Variants in WNT1 observed in about 807,000 individuals in gnomAD.
WNT1 encodes Wnt family member 1, also known as proto-oncogene Wnt-1.
A neutral mutation model predicts 21.3 loss-of-function variants in WNT1; 10 were observed. That is an observed-to-expected ratio of 0.47 (90% CI 0.29 to 0.80). The LOEUF (loss-of-function observed/expected upper bound fraction) is 0.80, where lower values mean the gene tolerates loss of function less well. WNT1 is among the 30% of genes least tolerant of loss of function. WNT1 has a pLI of 0.09. For synonymous variants in WNT1, 208 were observed against 236.3 expected (o/e 0.88, Z 1.10); for missense variants, 476 against 534.1 (o/e 0.89, Z 1.07).
Position 48,980,299 on chromosome 12 carries a change from C to T in WNT1, c.359-125C>T. On this transcript the variant is annotated intron_variant, in intron 2 of 3. Transcript: ENST00000293549. The surrounding 1 kb of genome is among the most constrained non-coding windows in gnomAD (Gnocchi z 7.0). Reference sequence around the variant, plus strand: ...CCTAGAGACCAGCTTTCCAGCACTGCCGGCCCTGGCTCTCAGGACTCAAAG... The same window carrying T: ...CCTAGAGACCAGCTTTCCAGCACTGTCGGCCCTGGCTCTCAGGACTCAAAG... 1.8e-6 allele frequency: 2 copies of T among 1,129,794 alleles called. No individual in the cohort carries two copies. Among genetic ancestry groups the T allele is most frequent in the Non-Finnish European group, 2.5e-6 (2 of 785,870 alleles). The allele number at this position is 1,129,794 out of a possible 1,614,324, so 70.0% of individuals were successfully genotyped here.
chr12:48,982,503 A>T lies in WNT1; in HGVS notation c.*863A>T, dbSNP rs1199004665. On this transcript the variant is annotated 3_prime_UTR_variant, in exon 4 of 4. Transcript: ENST00000293549. Reference sequence around the variant, plus strand: ...GTCCCTCTTCTCTCCTCAGTTTCTCAAAGATGCGTTTGCCTCCTGGAATCA... The same window carrying T: ...GTCCCTCTTCTCTCCTCAGTTTCTCTAAGATGCGTTTGCCTCCTGGAATCA... Among the ~76,000 whole-genome samples the T allele has an allele frequency of 6.6e-6, 1 of 152,022 alleles. No individual in the cohort carries two copies. Among genetic ancestry groups the T allele is most frequent in the Non-Finnish European group, 1.5e-5 (1 of 68,032 alleles).
rs1324699225 is a variant in WNT1, at chr12:48,980,138, C to T, written c.359-286C>T. Among the ~76,000 whole-genome samples the T allele has an allele frequency of 6.6e-6, 1 of 152,222 alleles. No individual in the cohort carries two copies. The highest frequency in any genetic ancestry group is 6.5e-5 in the Admixed American group (1 of 15,288). On this transcript the variant is annotated intron_variant, in intron 2 of 3. Coordinates refer to ENST00000293549, the MANE Select transcript of WNT1 (RefSeq NM_005430.4). This position sits in a 1 kb window ranked among gnomAD's most constrained non-coding sequence, Gnocchi z 7.0. ...TTGGGGATGTATGGTTCTTCCGCTC[C>T]CCTCTCTTCGGTTTGTCTCTCTGGG...
rs1173624861 is a variant in WNT1 at position 48,979,763 on chromosome 12, C to T, written c.358+42C>T. ...GCGACGCTTCCGGGAGCAGGGGAAA[C>T]GCGGGGTCACCCCCAGGGCATGGGC... On this transcript the variant is annotated intron_variant, in intron 2 of 3. Transcript: ENST00000293549. This position sits in a 1 kb window ranked among gnomAD's most constrained non-coding sequence, Gnocchi z 6.0. 4 of 1,540,214 alleles carry T rather than the reference C, an allele frequency of 2.6e-6. No individual in the cohort carries two copies. Among genetic ancestry groups the T allele is most frequent in the Non-Finnish European group, 3.5e-6 (4 of 1,143,630 alleles).
rs754298019 is a variant in WNT1, at chr12:48,981,569, A to G, written c.1042A>G (p.Thr348Ala). Reference sequence around the variant, plus strand: ...GCGCGTCACCGAGCGCTGCAACTGCACCTTCCACTGGTGCTGCCACGTCAG... The same window carrying G: ...GCGCGTCACCGAGCGCTGCAACTGCGCCTTCCACTGGTGCTGCCACGTCAG... ...TQRVTERCNC[T>A]FHWCCHVSCR... The change falls in exon 4 of 4, where the codon ACC (threonine) becomes GCC (alanine). Residue 348 changes from threonine to alanine, a missense_variant. Coordinates refer to ENST00000293549, the MANE Select transcript of WNT1 (RefSeq NM_005430.4). This position sits in a 1 kb window ranked among gnomAD's most constrained non-coding sequence, Gnocchi z 7.4. 1 of 1,521,918 alleles carries G rather than the reference A, an allele frequency of 6.6e-7. No homozygotes were observed. The highest frequency in any genetic ancestry group is 2.1e-5 in the Admixed American group (1 of 48,598). The allele number at this position is 1,521,918 out of a possible 1,614,324, so 94.3% of individuals were successfully genotyped here.
chr12:48,981,314 A>G lies in WNT1; in HGVS notation c.787A>G (p.Ser263Gly), dbSNP rs754914147. The change falls in exon 4 of 4, where the codon AGC becomes GGC. Residue 263 changes from serine (S) to glycine (G), a missense_variant. Physicochemically the swap from Ser to Gly is moderately conservative, Grantham distance 56 (BLOSUM62 0). Transcript: ENST00000293549. The surrounding 1 kb of genome is among the most constrained non-coding windows in gnomAD (Gnocchi z 7.4). Reference protein sequence around the residue: ...ASRVLYGNRGSNRASRAELLR... With the variant: ...ASRVLYGNRGGNRASRAELLR... The stretch of plus-strand genomic sequence containing the variant: ...GCGCGTCCTGTACGGCAACCGCGGC[A>G]GCAACCGCGCTTCGCGGGCGGAGCT... The G allele has an allele frequency of 1.9e-6, 3 of 1,576,180 alleles. No homozygotes were observed. The highest frequency in any genetic ancestry group is 2.6e-6 in the Non-Finnish European group (3 of 1,161,236).
chr12:48,979,401 T>G lies in WNT1; in HGVS notation c.105-67T>G. 5.9e-6 allele frequency: 9 copies of G among 1,524,696 alleles called. No homozygotes were observed. The highest frequency in any genetic ancestry group is 7.9e-6 in the Non-Finnish European group (9 of 1,133,578). The allele number at this position is 1,524,696 out of a possible 1,614,324, so 94.4% of individuals were successfully genotyped here. A position where few individuals can be genotyped will look rare whatever the true frequency, so the allele number is the denominator to read the frequency against. On this transcript the variant is annotated intron_variant, in intron 1 of 3. Coordinates refer to ENST00000293549, the MANE Select transcript of WNT1 (RefSeq NM_005430.4). The surrounding 1 kb of genome is among the most constrained non-coding windows in gnomAD (Gnocchi z 6.0). ...ACATACCCCCAGGAAGAGGACCGGG[T>G]GGCACAGTTTTTATGGTTAGGGTGC...
Position 48,981,181 on chromosome 12 carries a change from C to T in WNT1, c.654C>T (p.Cys218=), listed in dbSNP as rs763732264. 1 of 1,612,354 alleles carries T rather than the reference C, an allele frequency of 6.2e-7. No homozygotes were observed. The highest frequency in any genetic ancestry group is 8.5e-7 in the Non-Finnish European group (1 of 1,179,640). The change falls in exon 4 of 4, where the codon TGC becomes TGT. Residue 218 remains cysteine (C), a synonymous_variant. Coordinates refer to ENST00000293549, the MANE Select transcript of WNT1 (RefSeq NM_005430.4). The surrounding 1 kb of genome is among the most constrained non-coding windows in gnomAD (Gnocchi z 7.4). ...TATTCTCCGAGATGCGCCAGGAGTGCAAGTGCCACGGGATGTCCGGCTCAT... is the reference window on the plus strand; with the variant it reads ...TATTCTCCGAGATGCGCCAGGAGTGTAAGTGCCACGGGATGTCCGGCTCAT... ...TTVFSEMRQE[C]KCHGMSGSCT...
chr12:48,981,578 T>C lies in WNT1; in HGVS notation c.1051T>C (p.Trp351Arg). The change falls in exon 4 of 4, where the codon TGG (tryptophan) becomes CGG (arginine). Residue 351 changes from tryptophan to arginine, a missense_variant. By Grantham distance (101) the Trp-to-Arg change is moderately radical. Coordinates refer to ENST00000293549, the MANE Select transcript of WNT1 (RefSeq NM_005430.4). The surrounding 1 kb of genome is among the most constrained non-coding windows in gnomAD (Gnocchi z 7.4). ...VTERCNCTFHWCCHVSCRNCT... is the reference protein window; with the variant it reads ...VTERCNCTFHRCCHVSCRNCT... ...CGAGCGCTGCAACTGCACCTTCCAC[T>C]GGTGCTGCCACGTCAGCTGCCGCAA... The C allele has an allele frequency of 6.6e-7, 1 of 1,514,430 alleles. No individual in the cohort carries two copies. Among genetic ancestry groups the C allele is most frequent in the Non-Finnish European group, 8.8e-7 (1 of 1,133,234 alleles). 93.8% of individuals were successfully genotyped at this position (1,514,430 alleles called of 1,614,324 possible). A position where few individuals can be genotyped will look rare whatever the true frequency, so the allele number is the denominator to read the frequency against.
Position 48,978,618 on chromosome 12 carries a change from C to G in WNT1, c.-33C>G, listed in dbSNP as rs1358898043. The G allele has an allele frequency of 3.4e-5, 52 of 1,518,128 alleles. No homozygotes were observed. The highest frequency in any genetic ancestry group is 4.4e-5 in the Non-Finnish European group (49 of 1,120,840). 94.0% of individuals were successfully genotyped at this position (1,518,128 alleles called of 1,614,324 possible). On this transcript the variant is annotated 5_prime_UTR_variant, in exon 1 of 4. Transcript: ENST00000293549. This position sits in a 1 kb window ranked among gnomAD's most constrained non-coding sequence, Gnocchi z 7.4. ...CGGGCAACAACCAAAGTCGCCGCAA[C>G]TGCAGCACAGAGCGGGCAAAGCCAG...
chr12:48,981,700 G>T lies in WNT1; in HGVS notation c.*60G>T, dbSNP rs1941017948. ...CTCGAGCCCTCCCCCAAACAGACTC[G>T]CTAGCACTCAAGACCCGGTTATTCG... is the stretch of plus-strand genomic sequence containing the variant. On this transcript the variant is annotated 3_prime_UTR_variant, in exon 4 of 4. Transcript: ENST00000293549. The surrounding 1 kb of genome is among the most constrained non-coding windows in gnomAD (Gnocchi z 7.4). 2 of 1,411,122 alleles carry T rather than the reference G, an allele frequency of 1.4e-6. No homozygotes were observed. Among genetic ancestry groups the T allele is most frequent in the Non-Finnish European group, 1.8e-6 (2 of 1,088,782 alleles). 87.4% of individuals were successfully genotyped at this position (1,411,122 alleles called of 1,614,324 possible). A position where few individuals can be genotyped will look rare whatever the true frequency, so the allele number is the denominator to read the frequency against.
rs1412785414 is a variant in WNT1, at chr12:48,982,265, T to C, written c.*625T>C. Among the ~76,000 whole-genome samples, 1 of 152,170 alleles carries C rather than the reference T, an allele frequency of 6.6e-6. No homozygotes were observed. The highest frequency in any genetic ancestry group is 1.9e-4 in the East Asian group (1 of 5,200). On this transcript the variant is annotated 3_prime_UTR_variant, in exon 4 of 4. Transcript: ENST00000293549. ...GGAGCCATTGAACAGCTGTGAGCCA[T>C]GCCTCCCTGGGCCACCTCCTACCCC...
Position 48,979,517 on chromosome 12 carries a change from A to G in WNT1, c.154A>G (p.Ser52Gly), listed in dbSNP as rs758809246. 2 of 1,613,960 alleles carry G rather than the reference A, an allele frequency of 1.2e-6. No individual in the cohort carries two copies. Among genetic ancestry groups the G allele is most frequent in the Admixed American group, 1.7e-5 (1 of 60,024 alleles). The change falls in exon 2 of 4, where the codon AGT (serine) becomes GGT (glycine). Residue 52 changes from serine (S) to glycine (G), a missense_variant. By Grantham distance (56) the Ser-to-Gly change is moderately conservative. Transcript: ENST00000293549. The surrounding 1 kb of genome is among the most constrained non-coding windows in gnomAD (Gnocchi z 6.0). ...SSTNLLTDSK[S>G]LQLVLEPSLQ... ...CACGAACCTGCTTACAGACTCCAAG[A>G]GTCTGCAACTGGTACTCGAGCCCAG...
At position 48,981,997 on chromosome 12, in the gene WNT1, G is replaced by T. The variant is rs546021965; in HGVS notation, c.*357G>T. ...GGTGTCATTCTGCCTGCTCCATCGCGCCAGCGACCTCTCTGCCTCTCTTCT... is the reference window on the plus strand; with the variant it reads ...GGTGTCATTCTGCCTGCTCCATCGCTCCAGCGACCTCTCTGCCTCTCTTCT... On this transcript the variant is annotated 3_prime_UTR_variant, in exon 4 of 4. Transcript: ENST00000293549. This position sits in a 1 kb window ranked among gnomAD's most constrained non-coding sequence, Gnocchi z 7.4. 2.3e-4 allele frequency among the ~76,000 whole-genome samples: 35 copies of T among 152,264 alleles called. No individual in the cohort carries two copies. The highest frequency in any genetic ancestry group is 7.7e-4 in the African/African-American group (32 of 41,554).
At position 48,982,468 on chromosome 12, in the gene WNT1, G is replaced by A. The variant is rs1463903694; in HGVS notation, c.*828G>A. ...CACTCTTCTCTCCTTTCTCCCTGCA[G>A]CCTTTTCTGGTCCCTCTTCTCTCCT... On this transcript the variant is annotated 3_prime_UTR_variant, in exon 4 of 4. Coordinates refer to ENST00000293549, the MANE Select transcript of WNT1 (RefSeq NM_005430.4). Among the ~76,000 whole-genome samples the A allele has an allele frequency of 1.3e-5, 2 of 152,172 alleles. No individual in the cohort carries two copies. Among genetic ancestry groups the A allele is most frequent in the Non-Finnish European group, 2.9e-5 (2 of 68,022 alleles).
chr12:48,979,358 C>T lies in WNT1; in HGVS notation c.105-110C>T. ...TGGGAGAGCGGGTATTATTAATCTC[C>T]CGCCATTCTCTCCAGCCACATACCC... On this transcript the variant is annotated intron_variant, in intron 1 of 3. Transcript: ENST00000293549. The surrounding 1 kb of genome is among the most constrained non-coding windows in gnomAD (Gnocchi z 6.0). 7.3e-7 allele frequency: 1 copy of T among 1,375,818 alleles called. No individual in the cohort carries two copies. 85.2% of individuals were successfully genotyped at this position (1,375,818 alleles called of 1,614,324 possible).
chr12:48,981,287 TC>T lies in WNT1; in HGVS notation c.761del (p.Ser254CysfsTer139). The stretch of plus-strand genomic sequence containing the variant: ...GCTGCGCGACCGCTTCGACGGCGCC[TC>T]GCGCGTCCTGTACGGCAACCGCGGC... ...DVLRDRFDGA[S>X]RVLYGNRGSN... On this transcript the variant is annotated frameshift_variant, in exon 4 of 4. Transcript: ENST00000293549. LOFTEE classifies it low-confidence loss of function (END_TRUNC). The surrounding 1 kb of genome is among the most constrained non-coding windows in gnomAD (Gnocchi z 7.4). 6.3e-7 allele frequency: 1 copy of T among 1,595,592 alleles called. No homozygotes were observed. Among genetic ancestry groups the T allele is most frequent in the African/African-American group, 1.4e-5 (1 of 73,862 alleles).
chr12:48,978,777 GC>G lies in WNT1; in HGVS notation c.104+25del. 1 of 1,532,546 alleles carries G rather than the reference GC, an allele frequency of 6.5e-7. No individual in the cohort carries two copies. Among genetic ancestry groups the G allele is most frequent in the Non-Finnish European group, 8.9e-7 (1 of 1,126,706 alleles). 94.9% of individuals were successfully genotyped at this position (1,532,546 alleles called of 1,614,324 possible). A position where few individuals can be genotyped will look rare whatever the true frequency, so the allele number is the denominator to read the frequency against. On this transcript the variant is annotated intron_variant, in intron 1 of 3. Transcript: ENST00000293549. The surrounding 1 kb of genome is among the most constrained non-coding windows in gnomAD (Gnocchi z 7.4). ...GTGGTAAGTGAGCTGGTGCGGGGTC[GC>G]CACTTGTCCCGCGGCACAGAGCCAG... is the stretch of plus-strand genomic sequence containing the variant.
Position 48,980,717 on chromosome 12 carries a change from A to G in WNT1, c.624+28A>G. The G allele has an allele frequency of 6.6e-7, 1 of 1,510,826 alleles. No homozygotes were observed. Among genetic ancestry groups the G allele is most frequent in the Non-Finnish European group, 8.8e-7 (1 of 1,131,168 alleles). 93.6% of individuals were successfully genotyped at this position (1,510,826 alleles called of 1,614,324 possible). A position where few individuals can be genotyped will look rare whatever the true frequency, so the allele number is the denominator to read the frequency against. On this transcript the variant is annotated intron_variant, in intron 3 of 3. Coordinates refer to ENST00000293549, the MANE Select transcript of WNT1 (RefSeq NM_005430.4). This position sits in a 1 kb window ranked among gnomAD's most constrained non-coding sequence, Gnocchi z 7.0. ...GAGCTTTGAGAGGCTCCGCACCCTA[A>G]GCGGAGCGGCAGGGGCCAACCTCGG...
rs751609134 is a variant in WNT1, at chr12:48,978,631, C to T, written c.-20C>T. On this transcript the variant is annotated 5_prime_UTR_variant, in exon 1 of 4. Transcript: ENST00000293549. The surrounding 1 kb of genome is among the most constrained non-coding windows in gnomAD (Gnocchi z 7.4). ...AAGTCGCCGCAACTGCAGCACAGAG[C>T]GGGCAAAGCCAGGCAGGCCATGGGG... The T allele has an allele frequency of 1.1e-5, 17 of 1,557,706 alleles. No homozygotes were observed. Among genetic ancestry groups the T allele is most frequent in the Admixed American group, 5.5e-5 (3 of 54,868 alleles).
Sources: allele counts gnomAD v4.1 joint callset (sites outside exome capture counted in the v4.1 genomes callset), GRCh38; gene constraint gnomAD v4.1.1; non-coding constraint Gnocchi (gnomAD v3.1); transcripts MANE v1.5; gene names NCBI Gene and HGNC (gene_info 2026-07-23, HGNC 2026-07-21).